RUSC1: variants seen among roughly 807,000 people sequenced by gnomAD.
The protein encoded by RUSC1 is RUN and SH3 domain containing 1, also known as AP-4 complex accessory subunit RUSC1.
Under a neutral mutation model 72.1 loss-of-function variants are expected in RUSC1, and 40 were observed. The ratio of observed to expected loss-of-function variants is 0.55; its 90% CI spans 0.43 to 0.72. The LOEUF is 0.72. Ranked by LOEUF, RUSC1 falls within the 30% of genes least tolerant of loss-of-function variation. The pLI is 0.00. For synonymous variants in RUSC1, 512 were observed against 494.2 expected, an observed-to-expected ratio of 1.04 and a Z score of -0.48; for missense variants, 1,092 against 1,172.3, an observed-to-expected ratio of 0.93 and a Z score of 1.00.
chr1:155,323,121 G>T lies in RUSC1; in HGVS notation c.1348G>T (p.Gly450Cys). Residue 450 changes from glycine to cysteine, a missense_variant, in exon 2 of 10, where the codon GGC (glycine) becomes TGC (cysteine). Gly to Cys is a radical substitution (Grantham distance 159). Coordinates refer to ENST00000368352, the MANE Select transcript of RUSC1 (RefSeq NM_001105203.2). ...PAAKEPGAQA[G>C]LEVRSSWSFA... is the part of the protein sequence containing the mutation. ...CGCGAAGGAGCCGGGCGCGCAGGCC[G>T]GCCTGGAGGGTAAGAGGTCGCAAGA... 1 of 1,418,128 alleles carries T rather than the reference G, an allele frequency of 7.1e-7. No homozygotes were observed. The highest frequency in any genetic ancestry group is 9.2e-7 in the Non-Finnish European group (1 of 1,092,114). 87.8% of individuals were successfully genotyped at this position (1,418,128 alleles called of 1,614,324 possible). A position where few individuals can be genotyped will look rare whatever the true frequency, so the allele number is the denominator to read the frequency against.
rs1389783290 is a variant in RUSC1 at position 155,330,790 on chromosome 1, C to G, written c.*219C>G. 6.3e-6 allele frequency: 3 copies of G among 479,998 alleles called. No homozygotes were observed. Among genetic ancestry groups the G allele is most frequent in the Non-Finnish European group, 1.1e-5 (3 of 272,024 alleles). The allele number at this position is 479,998 out of a possible 1,614,324, so 29.7% of individuals were successfully genotyped here. On this transcript the variant is annotated 3_prime_UTR_variant, in exon 10 of 10. Coordinates refer to ENST00000368352, the MANE Select transcript of RUSC1 (RefSeq NM_001105203.2). ...AAATATATAAAAAAGGAATTGCCCT[C>G]CAGGTAATCCCTTTCCTTTTTCCCG...
Position 155,325,830 on chromosome 1 carries a change from T to A in RUSC1, c.1815-34T>A. On this transcript the variant is annotated intron_variant, in intron 6 of 9. Transcript: ENST00000368352. The surrounding 1 kb of genome is among the most constrained non-coding windows in gnomAD (Gnocchi z 6.5). ...CCAGAGAGGACTGGAGTCCTCCACCTCCCTGAACTTCCATTCCCTCTTTTC... is the reference window on the plus strand; with the variant it reads ...CCAGAGAGGACTGGAGTCCTCCACCACCCTGAACTTCCATTCCCTCTTTTC... 1 of 1,613,032 alleles carries A rather than the reference T, an allele frequency of 6.2e-7. No homozygotes were observed. Among genetic ancestry groups the A allele is most frequent in the Non-Finnish European group, 8.5e-7 (1 of 1,179,134 alleles).
intron 3 of RUSC1, 53 bp downstream of exon 3, chr1:155,324,996 C>T: frequency 1.9e-6 from 3 of 1,613,930 alleles, no homozygotes; most frequent in Non-Finnish European, 2.5e-6. Flanking sequence ...GCCCTTCGCC[C>T]CCGGCCCTGC....
rs1166185566 is a variant in RUSC1, at chr1:155,326,618, T to C, written c.1900T>C (p.Ser634Pro). Residue 634 changes from serine to proline, a missense_variant, in exon 8 of 10, where the codon TCC becomes CCC. Physicochemically the swap from Ser to Pro is moderately conservative, Grantham distance 74. Transcript: ENST00000368352. This position sits in a 1 kb window ranked among gnomAD's most constrained non-coding sequence, Gnocchi z 4.7. ...CCTGTACCTGCCAACAGGATTTTTC[T>C]CCCTGGCCCGCGGTGGTTGTCCCTC... ...SLLYLPTGFF[S>P]LARGGCPSLS... is the part of the protein sequence containing the mutation. 1.9e-6 allele frequency: 3 copies of C among 1,613,892 alleles called. No individual in the cohort carries two copies. Among genetic ancestry groups the C allele is most frequent in the Non-Finnish European group, 2.5e-6 (3 of 1,179,902 alleles).
chr1:155,322,180 C>T lies in RUSC1; in HGVS notation c.407C>T (p.Pro136Leu), dbSNP rs372870383. 21 of 1,605,292 alleles carry T rather than the reference C, an allele frequency of 1.3e-5. No homozygotes were observed. Among genetic ancestry groups the T allele is most frequent in the Admixed American group, 1.7e-5 (1 of 59,316 alleles). Residue 136 changes from proline (P) to leucine (L), a missense_variant, in exon 2 of 10, where the codon CCC (proline) becomes CTC (leucine). By Grantham distance (98) the Pro-to-Leu change is moderately conservative. Coordinates refer to ENST00000368352, the MANE Select transcript of RUSC1 (RefSeq NM_001105203.2). ...GGTGATGAGGATGCCCACCCTCAGC[C>T]CAGTATCATCCCCCTGGAGCAGGGC... The part of the protein sequence containing the change: ...LPGDEDAHPQ[P>L]SIIPLEQGSP...
intron 2 of RUSC1, 151 bp from the exon 3 acceptor site, chr1:155,324,694 C>A: frequency 6.4e-7 from 1 of 1,553,566 alleles, no homozygotes; most frequent in Non-Finnish European, 8.7e-7. Flanking sequence ...GGTCGAGCTA[C>A]CCCGTGCTTC....
rs1054045945 is a variant in RUSC1 at position 155,326,195 on chromosome 1, C to T, written c.1861+285C>T. ...CCAGGGCCCTGCTTATGCTGTTCCTCTACCTTCTGCCCCTCCTGCTTCCTC... is the reference window on the plus strand; with the variant it reads ...CCAGGGCCCTGCTTATGCTGTTCCTTTACCTTCTGCCCCTCCTGCTTCCTC... On this transcript the variant is annotated intron_variant, in intron 7 of 9. Transcript: ENST00000368352. This position sits in a 1 kb window ranked among gnomAD's most constrained non-coding sequence, Gnocchi z 4.7. The T allele has an allele frequency of 1.4e-5, 8 of 566,884 alleles. No individual in the cohort carries two copies. The highest frequency in any genetic ancestry group is 2.5e-5 in the Non-Finnish European group (8 of 317,782). The allele number at this position is 566,884 out of a possible 1,614,324, so 35.1% of individuals were successfully genotyped here.
rs539852226 is a variant in RUSC1 at position 155,325,057 on chromosome 1, TA to T, written c.1457-44del. On this transcript the variant is annotated intron_variant, in intron 3 of 9. Coordinates refer to ENST00000368352, the MANE Select transcript of RUSC1 (RefSeq NM_001105203.2). The surrounding 1 kb of genome is among the most constrained non-coding windows in gnomAD (Gnocchi z 6.5). ...TCCACGCCCCTCGGGCAAGCCTGGGTAGGGGCGCGGCCTCCTAGCGTCTTCC... is the reference window on the plus strand; with the variant it reads ...TCCACGCCCCTCGGGCAAGCCTGGGTGGGGCGCGGCCTCCTAGCGTCTTCC... 76 of 1,613,922 alleles carry T rather than the reference TA, an allele frequency of 4.7e-5. No homozygotes were observed. The South Asian group carries it at 6.4e-4, about 14-fold the overall frequency.
intron 9 of RUSC1, among the ~76,000 whole-genome samples, chr1:155,329,683 C>T (rs1008485651): frequency 7.2e-5 from 11 of 151,976 alleles, no homozygotes; most frequent in African/African-American, 1.9e-4. Context: ...TGAGCCACCA[C>T]GCCTGGCCTA....
intron 9 of RUSC1, among the ~76,000 whole-genome samples, chr1:155,328,728 A>C (rs929941133): frequency 6.6e-6 from 1 of 152,068 alleles, no homozygotes; most frequent in Non-Finnish European, 1.5e-5. Flanking sequence ...CCTTCTGAGT[A>C]GCTGGGATTA....
At chr1:155,328,420 C>G (rs1431113116) in intron 9 of RUSC1, 145 bp downstream of exon 9, 6 of 853,532 alleles carry the variant, frequency 7.0e-6, no homozygotes, top group African/African-American at 1.8e-5. Flanking sequence ...ATCGATGTGT[C>G]ACTCATTTGA....
Position 155,322,374 on chromosome 1 carries a change from G to T in RUSC1, c.601G>T (p.Glu201Ter). 1 of 1,614,074 alleles carries T rather than the reference G, an allele frequency of 6.2e-7. No individual in the cohort carries two copies. Among genetic ancestry groups the T allele is most frequent in the Non-Finnish European group, 8.5e-7 (1 of 1,179,924 alleles). ...VPSPGLEEED[E>*]RAEQDLPTSE... ...TTCCCCAGGCTTGGAGGAAGAGGAC[G>T]AGAGGGCGGAGCAGGATCTCCCTAC... The change falls in exon 2 of 10, where the codon GAG (glutamate) becomes TAG (stop). Residue 201 changes from glutamate to a stop codon, truncating the protein, a stop_gained. Transcript: ENST00000368352. LOFTEE classifies it high-confidence loss of function.
chr1:155,326,960 T>C lies in RUSC1; in HGVS notation c.2242T>C (p.Phe748Leu). The change falls in exon 8 of 10, where the codon TTT becomes CTT. Residue 748 changes from phenylalanine (F) to leucine (L), a missense_variant. Coordinates refer to ENST00000368352, the MANE Select transcript of RUSC1 (RefSeq NM_001105203.2). This position sits in a 1 kb window ranked among gnomAD's most constrained non-coding sequence, Gnocchi z 4.7. ...CTATGCCTCTGGGGGCACTGAGGGC[T>C]TTCCTCTTTCCCGATGGGCACCGGG... ...RVYASGGTEG[F>L]PLSRWAPGRH... The C allele has an allele frequency of 6.2e-7, 1 of 1,613,782 alleles. No homozygotes were observed. Among genetic ancestry groups the C allele is most frequent in the South Asian group, 1.1e-5 (1 of 91,084 alleles).
intron 2 of RUSC1, chr1:155,324,307 G>A: frequency 6.4e-7 from 1 of 1,569,288 alleles, no homozygotes; most frequent in Non-Finnish European, 8.6e-7. Flanking sequence ...TCCGCCAAGA[G>A]GCTGCTGCGG....
At chr1:155,328,023 C>T in intron 8 of RUSC1, 127 bp from the exon 9 acceptor site, 1 of 1,211,222 alleles carries the variant, frequency 8.3e-7, no homozygotes, top group Non-Finnish European at 1.1e-6. Context: ...CTGCCCTCAG[C>T]AGTGACTAAC....
In RUSC1 at chr1:155,326,418, C is replaced by T. The variant is rs887461139; in HGVS notation, c.1862-162C>T. On this transcript the variant is annotated intron_variant, in intron 7 of 9. Coordinates refer to ENST00000368352, the MANE Select transcript of RUSC1 (RefSeq NM_001105203.2). This position sits in a 1 kb window ranked among gnomAD's most constrained non-coding sequence, Gnocchi z 4.7. ...CTATTTGGGCTAGGTTCCATGCAGG[C>T]GGGGATGTCAGTCCTATAGCCCACC... is the stretch of plus-strand genomic sequence containing the variant. The T allele has an allele frequency of 7.6e-5, 52 of 684,402 alleles. 1 individual carries two copies. The highest frequency in any genetic ancestry group is 8.2e-4 in the Middle Eastern group (2 of 2,448). The allele number at this position is 684,402 out of a possible 1,614,324, so 42.4% of individuals were successfully genotyped here.
In RUSC1 at chr1:155,322,216, C is replaced by T. The variant is rs1034456424; in HGVS notation, c.443C>T (p.Ala148Val). The T allele has an allele frequency of 5.0e-5, 81 of 1,611,774 alleles. No homozygotes were observed. The highest frequency in any genetic ancestry group is 6.7e-5 in the Non-Finnish European group (79 of 1,178,542). The change falls in exon 2 of 10, where the codon GCT becomes GTT. Residue 148 changes from alanine (A) to valine (V), a missense_variant. Physicochemically the swap from Ala to Val is moderately conservative, Grantham distance 64. Transcript: ENST00000368352. ...IIPLEQGSPL[A>V]SAGPGTCSPD... ...CCCCTGGAGCAGGGCTCCCCACTGG[C>T]TTCAGCAGGCCCTGGCACCTGCTCA... is the stretch of plus-strand genomic sequence containing the variant.
intron 9 of RUSC1, among the ~76,000 whole-genome samples, chr1:155,329,391 ACTT>A (rs1570916601): frequency 7.9e-6 from 1 of 126,976 alleles, no homozygotes; most frequent in South Asian, 2.4e-4. Flanking sequence ...TGGCTACTAA[ACTT>A]TTTTTTTTTT....
intron 9 of RUSC1, 106 bp from the exon 10 acceptor site, chr1:155,330,297 A>G: frequency 1.8e-6 from 2 of 1,097,340 alleles, no homozygotes; most frequent in Non-Finnish European, 2.7e-6. Flanking sequence ...AGCCCAGTCA[A>G]TGTCCACTGA....
Sources: allele counts gnomAD v4.1 joint callset (sites outside exome capture counted in the v4.1 genomes callset), GRCh38; gene constraint gnomAD v4.1.1; non-coding constraint Gnocchi (gnomAD v3.1); transcripts MANE v1.5; gene names NCBI Gene and HGNC (gene_info 2026-07-23, HGNC 2026-07-21).